The following PDS5A variants were observed in gnomAD, a reference collection of about 807,000 sequenced individuals.
PDS5A encodes PDS5 cohesin associated factor A.
Under a neutral mutation model 167.1 loss-of-function variants are expected in PDS5A, and 42 were observed. The observed-to-expected ratio is 0.25, with a 90% CI of 0.20 to 0.33. The LOEUF is 0.33. Among genes scored for constraint, PDS5A ranks in the 10% least tolerant of loss-of-function variants. The pLI, the probability that PDS5A is intolerant of heterozygous loss-of-function variation, is 1.00. For synonymous variants in PDS5A, 553 were observed against 554.6 expected (o/e 1.00, Z 0.04); for missense variants, 1,033 against 1,605.9 (o/e 0.64, Z 6.10).
chr4:39,885,637 G>C (rs1178240225), intron 17 of PDS5A, among the ~76,000 whole-genome samples: 1 of 151,944 alleles, frequency 6.6e-6, no homozygotes, highest in Non-Finnish European at 1.5e-5. Flanking sequence ...AAAAAGGGCT[G>C]CGTATAGTGG....
At chr4:39,830,874 A>G (rs996574025) in intron 32 of PDS5A, among the ~76,000 whole-genome samples, 3 of 152,274 alleles carry the variant, frequency 2.0e-5, no homozygotes, top group South Asian at 2.1e-4. Flanking sequence ...TACTACCAAA[A>G]GAGGTGAAAA....
intron 14 of PDS5A, among the ~76,000 whole-genome samples, chr4:39,899,774 A>G (rs1438938511): frequency 2.7e-5 from 4 of 149,476 alleles, no homozygotes; most frequent in Non-Finnish European, 5.9e-5. Context: ...ACCTCAGCCC[A>G]GTGACATCGA....
intron 2 of PDS5A, among the ~76,000 whole-genome samples, chr4:39,958,376 G>A (rs1453930246): frequency 6.6e-6 from 1 of 151,506 alleles, no homozygotes; most frequent in Non-Finnish European, 1.5e-5. Context: ...GCATGGTGGT[G>A]TGCGCCTGTA....
intron 6 of PDS5A, among the ~76,000 whole-genome samples, chr4:39,922,039 T>C (rs918129954): frequency 1.3e-5 from 2 of 152,160 alleles, no homozygotes; most frequent in African/African-American, 2.4e-5. Context: ...AATATCAACA[T>C]TGGGGTAGGC....
chr4:39,904,047 C>T lies in PDS5A; in HGVS notation c.1378G>A (p.Asp460Asn). 6.3e-7 allele frequency: 1 copy of T among 1,590,386 alleles called. No homozygotes were observed. Among genetic ancestry groups the T allele is most frequent in the Non-Finnish European group, 8.6e-7 (1 of 1,167,928 alleles). The change falls in exon 12 of 33, where the codon GAC (aspartate) becomes AAC (asparagine). Residue 460 changes from aspartate (D) to asparagine (N), a missense_variant. Transcript: ENST00000303538. Reference protein sequence around the residue: ...LLHIYYQNSIDDKLLVEKIFA... With the variant: ...LLHIYYQNSINDKLLVEKIFA... ...CCAACATATTAAACTCACTTGTCGT[C>T]AATGCTGTTCTGATAATAAATATGC...
chr4:39,920,267 C>T, intron 7 of PDS5A, 52 bp downstream of exon 7: 1 of 774,496 alleles, frequency 1.3e-6, no homozygotes, highest in Non-Finnish European at 2.1e-6. Flanking sequence ...TAAATTAATA[C>T]AATGGATTAA....
Position 39,912,564 on chromosome 4 carries a change from C to G in PDS5A, c.992+1047G>C, listed in dbSNP as rs548684152. 4.1e-4 allele frequency among the ~76,000 whole-genome samples: 63 copies of G among 152,346 alleles called. 1 individual carries two copies. Among genetic ancestry groups the G allele is most frequent in the African/African-American group, 1.4e-3 (59 of 41,586 alleles). On this transcript the variant is annotated intron_variant, in intron 9 of 32. Transcript: ENST00000303538. Reference sequence around the variant, plus strand: ...GCAGTAGGCCTTGTCAGCGATTTCTCAGAACCTAGGATTAGTATGAGAACT... The same window carrying G: ...GCAGTAGGCCTTGTCAGCGATTTCTGAGAACCTAGGATTAGTATGAGAACT...
intron 2 of PDS5A, chr4:39,973,792 C>T: frequency 1.6e-6 from 2 of 1,260,242 alleles, no homozygotes; most frequent in Non-Finnish European, 2.3e-6. Flanking sequence ...GCCAGCACCT[C>T]CTTCAGGTTA....
intron 2 of PDS5A, among the ~76,000 whole-genome samples, chr4:39,930,238 A>C (rs1331715941): frequency 3.1e-5 from 4 of 129,016 alleles, no homozygotes; most frequent in South Asian, 2.8e-4. Context: ...AAAAAAAAAA[A>C]AAAAAAAAGT....
At chr4:39,870,357 C>T (rs1719916410) in intron 21 of PDS5A, among the ~76,000 whole-genome samples, 1 of 152,012 alleles carries the variant, frequency 6.6e-6, no homozygotes, top group Non-Finnish European at 1.5e-5. Context: ...TAAAACTCAA[C>T]AAGAAGCAAC....
chr4:39,956,946 T>C (rs1728979316), intron 2 of PDS5A, among the ~76,000 whole-genome samples: 1 of 152,208 alleles, frequency 6.6e-6, no homozygotes, highest in East Asian at 1.9e-4. Context: ...GTGCTGGGAT[T>C]ACAGGCGTGA....
chr4:39,930,246 A>AAAAAAAAAAAAAATTTT, intron 2 of PDS5A, among the ~76,000 whole-genome samples: 6 of 93,088 alleles, frequency 6.4e-5, no homozygotes, highest in Admixed American at 2.2e-4. Flanking sequence ...AAAAAAAAAA[A>AAAAAAAAAAAAAATTTT]GTTTTTTTGT....
intron 2 of PDS5A, among the ~76,000 whole-genome samples, chr4:39,968,376 G>A (rs1187134568): frequency 6.9e-6 from 1 of 144,280 alleles, no homozygotes; most frequent in Non-Finnish European, 1.5e-5. Context: ...ATGGAGTTTC[G>A]CTCTTGTTGC....
chr4:39,969,182 T>C (rs1290693776), intron 2 of PDS5A, among the ~76,000 whole-genome samples: 1 of 152,256 alleles, frequency 6.6e-6, no homozygotes, highest in East Asian at 1.9e-4. Flanking sequence ...TTGTAACTTC[T>C]ATTATCTAAG....
chr4:39,934,360 C>T (rs376754353), intron 2 of PDS5A, among the ~76,000 whole-genome samples: 21 of 152,306 alleles, frequency 1.4e-4, no homozygotes, highest in South Asian at 6.2e-4. Context: ...ATAACTAAAG[C>T]TTGACTGGTG....
chr4:39,957,395 G>A (rs745442128), intron 2 of PDS5A, among the ~76,000 whole-genome samples: 4 of 152,050 alleles, frequency 2.6e-5, no homozygotes, highest in African/African-American at 7.2e-5. Context: ...ATAAAATGTT[G>A]CTAGCCACTC....
intron 8 of PDS5A, among the ~76,000 whole-genome samples, chr4:39,915,248 A>T (rs189219054): frequency 2.4e-4 from 36 of 151,848 alleles, no homozygotes; most frequent in African/African-American, 8.2e-4. Flanking sequence ...CATGCTGACA[A>T]GGTTGGTCTT....
Position 39,838,012 on chromosome 4 carries a change from T to G in PDS5A, c.3854A>C (p.Asn1285Thr). Residue 1285 changes from asparagine to threonine, a missense_variant, in exon 32 of 33, where the codon AAT becomes ACT. By Grantham distance (65) the Asn-to-Thr change is moderately conservative. Around this residue, in one of 4 missense-constraint regions of PDS5A, gnomAD observed 233 missense variants for 264.0 expected, o/e 0.88. Coordinates refer to ENST00000303538, the MANE Select transcript of PDS5A (RefSeq NM_001100399.2). ...KSESQGNATK[N>T]DDLNKPINKG... ...GTTAATAGGTTTATTTAGATCATCA[T>G]TTTTGGTAGCATTGCCCTGAGATTC... The G allele has an allele frequency of 6.2e-7, 1 of 1,613,986 alleles. No individual in the cohort carries two copies. The highest frequency in any genetic ancestry group is 8.5e-7 in the Non-Finnish European group (1 of 1,179,860).
chr4:39,904,210 A>G lies in PDS5A; in HGVS notation c.1234-19T>C. 1.3e-6 allele frequency: 2 copies of G among 1,579,702 alleles called. No individual in the cohort carries two copies. The highest frequency in any genetic ancestry group is 1.7e-6 in the Non-Finnish European group (2 of 1,160,082). ...CTCGCCACTAAAAAGCATAAAATTT[A>G]TTAGATGAGCAAGATAACAAAACTC... On this transcript the variant is annotated intron_variant, in intron 11 of 32. Coordinates refer to ENST00000303538, the MANE Select transcript of PDS5A (RefSeq NM_001100399.2).
Sources: allele counts gnomAD v4.1 joint callset (sites outside exome capture counted in the v4.1 genomes callset), GRCh38; gene constraint gnomAD v4.1.1; regional missense constraint gnomAD v4.1.1; transcripts MANE v1.5; gene names NCBI Gene and HGNC (gene_info 2026-07-23, HGNC 2026-07-21).